Variants in MCPH1 observed in about 807,000 individuals in gnomAD.
MCPH1 encodes the protein microcephalin 1.
MCPH1 carries 104 observed loss-of-function variants against 84.5 expected under a neutral mutation model. That is an observed-to-expected ratio of 1.23 (90% CI 1.05 to 1.45). The LOEUF (loss-of-function observed/expected upper bound fraction) is 1.45. MCPH1 is among the 40% of genes most tolerant of loss of function. MCPH1 has a pLI of 0.00. For synonymous variants in MCPH1, 514 were observed against 366.8 expected (o/e 1.40, Z -4.58); for missense variants, 1,498 against 1,005.7 (o/e 1.49, Z -6.62).
intron 12 of MCPH1, among the ~76,000 whole-genome samples, chr8:6,540,912 C>T (rs965798107): frequency 2.0e-5 from 3 of 152,264 alleles, no homozygotes; most frequent in Non-Finnish European, 2.9e-5. Context: ...CCCAAGGAGC[C>T]CTGGGACAGT....
At chr8:6,437,250 G>T (rs1802786994) in intron 5 of MCPH1, among the ~76,000 whole-genome samples, 2 of 150,894 alleles carry the variant, frequency 1.3e-5, no homozygotes, top group South Asian at 4.2e-4. Context: ...TTATTTTTTT[G>T]AGATGGAGTC....
chr8:6,407,476 A>C (rs1201725477), intron 1 of MCPH1, among the ~76,000 whole-genome samples: 2 of 152,136 alleles, frequency 1.3e-5, no homozygotes, highest in Non-Finnish European at 2.9e-5. Context: ...TACCGCACGC[A>C]GTCCCACCCT....
intron 12 of MCPH1, among the ~76,000 whole-genome samples, chr8:6,609,475 A>C (rs957507989): frequency 7.9e-5 from 12 of 152,218 alleles, no homozygotes; most frequent in African/African-American, 2.7e-4. Flanking sequence ...AAAACCTCAA[A>C]TGATGCTTTA....
chr8:6,502,437 A>G (rs1812368709), intron 12 of MCPH1: 1 of 152,232 alleles, frequency 6.6e-6, no homozygotes, highest in Non-Finnish European at 1.5e-5. Context: ...TCTACCATAT[A>G]AATTTGAAAT....
intron 2 of MCPH1, 110 bp from the exon 3 acceptor site, chr8:6,414,655 C>A: frequency 8.5e-7 from 1 of 1,179,214 alleles, no homozygotes; most frequent in Non-Finnish European, 1.2e-6. Flanking sequence ...GAGTGTTTCT[C>A]TGTCAGATGT....
intron 13 of MCPH1, among the ~76,000 whole-genome samples, chr8:6,631,709 G>A (rs1270964188): frequency 6.6e-6 from 1 of 151,308 alleles, no homozygotes; most frequent in Non-Finnish European, 1.5e-5. Context: ...TGGAAAATTG[G>A]AACCTTGTGT....
At chr8:6,564,244 T>C (rs1415258629) in intron 12 of MCPH1, among the ~76,000 whole-genome samples, 3 of 152,218 alleles carry the variant, frequency 2.0e-5, no homozygotes, top group Non-Finnish European at 4.4e-5. Context: ...CCCAAAGTGC[T>C]GAGATTACAG....
chr8:6,421,275 G>A (rs1169481164), intron 3 of MCPH1, among the ~76,000 whole-genome samples: 4 of 152,138 alleles, frequency 2.6e-5, no homozygotes, highest in Non-Finnish European at 4.4e-5. Context: ...CCTGGCTCTG[G>A]CTGCCAATTT....
At chr8:6,629,570 G>A (rs545510005) in intron 13 of MCPH1, among the ~76,000 whole-genome samples, 1 of 152,320 alleles carries the variant, frequency 6.6e-6, no homozygotes, top group South Asian at 2.1e-4. Context: ...TGCAACCCGA[G>A]CAGTCTCCCA....
chr8:6,632,289 T>A (rs1258382238), intron 13 of MCPH1, among the ~76,000 whole-genome samples: 1 of 152,246 alleles, frequency 6.6e-6, no homozygotes, highest in Non-Finnish European at 1.5e-5. Flanking sequence ...ATTGCGAATG[T>A]ACTTCATGCC....
intron 12 of MCPH1, among the ~76,000 whole-genome samples, chr8:6,542,772 A>G (rs1054390945): frequency 7.9e-5 from 12 of 152,168 alleles, no homozygotes; most frequent in Non-Finnish European, 1.3e-4. Flanking sequence ...TGGAGGAGGT[A>G]GCATGATCAT....
rs867339805 is a variant in MCPH1 at position 6,505,268 on chromosome 8, A to G, written c.2214+5339A>G. Among the ~76,000 whole-genome samples, 12 of 111,986 alleles carry G rather than the reference A, an allele frequency of 1.1e-4. 1 individual carries two copies. The highest frequency in any genetic ancestry group is 2.5e-4 in the South Asian group (1 of 3,992). 73.5% of individuals were successfully genotyped at this position (111,986 alleles called of 152,430 possible). A position where few individuals can be genotyped will look rare whatever the true frequency, so the allele number is the denominator to read the frequency against. On this transcript the variant is annotated intron_variant, in intron 12 of 13. Coordinates refer to ENST00000344683, the MANE Select transcript of MCPH1 (RefSeq NM_024596.5). ...TATATTCTTTATATATGTTTTATAT[A>G]TATGTATACATATATATGTTATATA...
chr8:6,537,091 C>G (rs1820639659), intron 12 of MCPH1, among the ~76,000 whole-genome samples: 1 of 152,070 alleles, frequency 6.6e-6, no homozygotes, highest in Non-Finnish European at 1.5e-5. Context: ...CTGCTCTCAT[C>G]AAAACAGTTC....
chr8:6,446,123 A>T (rs1360769430), intron 8 of MCPH1: 5 of 959,636 alleles, frequency 5.2e-6, no homozygotes, highest in Non-Finnish European at 6.2e-6. Context: ...TTTAACTTGT[A>T]CTTATTTTGC....
chr8:6,448,430 A>G (rs1489861721), intron 8 of MCPH1, among the ~76,000 whole-genome samples: 1 of 152,258 alleles, frequency 6.6e-6, no homozygotes, highest in Admixed American at 6.5e-5. Flanking sequence ...TGGGACCTTC[A>G]GTCTCTGACA....
intron 3 of MCPH1, among the ~76,000 whole-genome samples, chr8:6,420,465 G>C (rs1020655639): frequency 6.6e-6 from 1 of 152,120 alleles, no homozygotes; most frequent in Non-Finnish European, 1.5e-5. Context: ...TGTTATCTCC[G>C]TGTCAGTGAG....
intron 13 of MCPH1, chr8:6,635,286 G>A (rs1169762770): frequency 6.6e-6 from 1 of 152,314 alleles, no homozygotes; most frequent in African/African-American, 2.4e-5. Context: ...CCATGAAGAT[G>A]ACGTTAACAC....
At position 6,644,956 on chromosome 8, in the gene MCPH1, T is replaced by G. The variant is rs1386660107; in HGVS notation, c.*1907T>G. 6.6e-6 allele frequency: 1 copy of G among 152,210 alleles called. No individual in the cohort carries two copies. The highest frequency in any genetic ancestry group is 1.5e-5 in the Non-Finnish European group (1 of 68,036). The allele number at this position is 152,210 out of a possible 1,614,324, so 9.4% of individuals were successfully genotyped here. ...CACCTAAATCATCCCCTTATGATAC[T>G]CATCCTCTAACAGCAATTGAACTTC... On this transcript the variant is annotated 3_prime_UTR_variant, in exon 14 of 14. Coordinates refer to ENST00000344683, the MANE Select transcript of MCPH1 (RefSeq NM_024596.5).
rs749678802 is a variant in MCPH1, at chr8:6,562,980, A to C, written c.2215-58474A>C. On this transcript the variant is annotated intron_variant, in intron 12 of 13. Coordinates refer to ENST00000344683, the MANE Select transcript of MCPH1 (RefSeq NM_024596.5). ...AGCAGCTTAGCAAACTTGAGGGCAA[A>C]CACACGTCCAGAGTCCCGAGCTGCT... 4.5e-6 allele frequency: 7 copies of C among 1,543,098 alleles called. No homozygotes were observed. The South Asian group carries it at 7.5e-5, about 16-fold the overall frequency.
Sources: allele counts gnomAD v4.1 joint callset (sites outside exome capture counted in the v4.1 genomes callset), GRCh38; gene constraint gnomAD v4.1.1; transcripts MANE v1.5; gene names NCBI Gene and HGNC (gene_info 2026-07-23, HGNC 2026-07-21).